BCL2: variants seen among roughly 807,000 people sequenced by gnomAD.
BCL2 encodes apoptosis regulator Bcl-2.
A neutral mutation model predicts 14.2 loss-of-function variants in BCL2; 1 was observed. The ratio of observed to expected loss-of-function variants is 0.07; its 90% CI spans 0.02 to 0.33. The LOEUF is 0.33. BCL2 is among the 10% of genes least tolerant of loss of function. BCL2 has a pLI of 0.99. For synonymous variants in BCL2, 151 were observed against 137.2 expected (o/e 1.10, Z -0.70); for missense variants, 247 against 305.9 (o/e 0.81, Z 1.44).
At chr18:63,192,322 G>A (rs1909310957) in intron 2 of BCL2, among the ~76,000 whole-genome samples, 1 of 152,192 alleles carries the variant, frequency 6.6e-6, no homozygotes, top group Non-Finnish European at 1.5e-5. Flanking sequence ...GATGTGTTTG[G>A]AGGATCAGGA....
At chr18:63,212,021 T>C (rs1373181037) in intron 2 of BCL2, among the ~76,000 whole-genome samples, 1 of 152,206 alleles carries the variant, frequency 6.6e-6, no homozygotes, top group Non-Finnish European at 1.5e-5. Context: ...CCCCTAACCA[T>C]GTGGCCCTAA....
chr18:63,176,489 G>A (rs1443780365), intron 2 of BCL2, among the ~76,000 whole-genome samples: 1 of 152,230 alleles, frequency 6.6e-6, no homozygotes. Context: ...GTGAGTGAAC[G>A]AGTGAAAGAA....
chr18:63,249,293 G>A (rs1009328219), intron 2 of BCL2, among the ~76,000 whole-genome samples: 1 of 151,744 alleles, frequency 6.6e-6, no homozygotes, highest in Non-Finnish European at 1.5e-5. Context: ...ATATAAGATT[G>A]TGATCAGTCC....
At position 63,318,867 on chromosome 18, in the gene BCL2, T is replaced by C; in HGVS notation, c.-201A>G. 7.1e-7 allele frequency: 1 copy of C among 1,414,888 alleles called. No homozygotes were observed. Among genetic ancestry groups the C allele is most frequent in the Non-Finnish European group, 9.2e-7 (1 of 1,082,838 alleles). 87.6% of individuals were successfully genotyped at this position (1,414,888 alleles called of 1,614,324 possible). On this transcript the variant is annotated 5_prime_UTR_variant, in exon 2 of 3. In the 5' UTR this introduces an upstream ATG that the reference lacks. Coordinates refer to ENST00000333681, the MANE Select transcript of BCL2 (RefSeq NM_000633.3). The surrounding 1 kb of genome is among the most constrained non-coding windows in gnomAD (Gnocchi z 7.4). ...CTTGGCATGAGATGCAGGAAATTTT[T>C]ATTCCAATTCCTTTCGGATCTTTAT...
intron 2 of BCL2, among the ~76,000 whole-genome samples, chr18:63,187,262 G>A (rs1229181461): frequency 6.6e-6 from 1 of 152,138 alleles, no homozygotes; most frequent in Non-Finnish European, 1.5e-5. Context: ...TTTATTTTAG[G>A]AATGTTTTTG....
intron 2 of BCL2, among the ~76,000 whole-genome samples, chr18:63,256,735 C>T (rs551552453): frequency 5.9e-5 from 9 of 152,218 alleles, no homozygotes; most frequent in East Asian, 1.9e-4. Context: ...CAAAATAGGG[C>T]GATCCAACTC....
intron 2 of BCL2, among the ~76,000 whole-genome samples, chr18:63,204,573 G>C (rs1909781791): frequency 6.6e-6 from 1 of 152,154 alleles, no homozygotes; most frequent in Non-Finnish European, 1.5e-5. Flanking sequence ...AAAAGCAGCA[G>C]TAAAAAACCC....
intron 2 of BCL2, among the ~76,000 whole-genome samples, chr18:63,280,174 T>C (rs937244299): frequency 3.3e-5 from 5 of 152,220 alleles, no homozygotes; most frequent in African/African-American, 1.2e-4. Flanking sequence ...AGAGTATCCA[T>C]GCCAAACTGC....
chr18:63,132,753 C>A (rs1046063634), intron 2 of BCL2, among the ~76,000 whole-genome samples: 1 of 152,100 alleles, frequency 6.6e-6, no homozygotes, highest in Admixed American at 6.5e-5. Flanking sequence ...GGGCGATTTC[C>A]GAAGTCTGTT....
At chr18:63,185,413 A>C (rs945069298) in intron 2 of BCL2, among the ~76,000 whole-genome samples, 18 of 152,220 alleles carry the variant, frequency 1.2e-4, no homozygotes, top group Non-Finnish European at 1.9e-4. Context: ...AGAGATGCTA[A>C]AAAAAGTGTC....
At chr18:63,214,397 C>G (rs1287035945) in intron 2 of BCL2, among the ~76,000 whole-genome samples, 1 of 152,184 alleles carries the variant, frequency 6.6e-6, no homozygotes, top group Non-Finnish European at 1.5e-5. Flanking sequence ...CCTGACACCA[C>G]GACATACACA....
chr18:63,247,937 C>T (rs936661454), intron 2 of BCL2, among the ~76,000 whole-genome samples: 2 of 152,202 alleles, frequency 1.3e-5, no homozygotes, highest in African/African-American at 4.8e-5. Context: ...AAAAAAATTC[C>T]CCCAAAAGAC....
At chr18:63,182,258 C>T (rs1044673090) in intron 2 of BCL2, among the ~76,000 whole-genome samples, 5 of 152,190 alleles carry the variant, frequency 3.3e-5, no homozygotes, top group Non-Finnish European at 7.3e-5. Flanking sequence ...GGAAGCTGTT[C>T]CCTATCCAGA....
chr18:63,242,156 A>G (rs1028944426), intron 2 of BCL2, among the ~76,000 whole-genome samples: 1 of 152,240 alleles, frequency 6.6e-6, no homozygotes, highest in Non-Finnish European at 1.5e-5. Flanking sequence ...CATTATGCCA[A>G]GCTTCTCCTC....
At chr18:63,315,473 C>T (rs1299477660) in intron 2 of BCL2, 1 of 152,168 alleles carries the variant, frequency 6.6e-6, no homozygotes, top group Non-Finnish European at 1.5e-5. Flanking sequence ...TTTCCTCAGC[C>T]TCACAAGGTT....
chr18:63,284,845 C>T (rs547125730), intron 2 of BCL2, among the ~76,000 whole-genome samples: 198 of 152,244 alleles, frequency 1.3e-3, no homozygotes, highest in African/African-American at 4.6e-3. Flanking sequence ...ATCCTCCTCC[C>T]GCTGGGCCCA....
At chr18:63,292,686 T>C (rs1028768787) in intron 2 of BCL2, among the ~76,000 whole-genome samples, 1 of 152,240 alleles carries the variant, frequency 6.6e-6, no homozygotes, top group Non-Finnish European at 1.5e-5. Flanking sequence ...TCTTCAGCCA[T>C]GACACATCGT....
intron 2 of BCL2, among the ~76,000 whole-genome samples, chr18:63,174,445 C>G (rs1357746297): frequency 6.6e-6 from 1 of 152,052 alleles, no homozygotes; most frequent in Non-Finnish European, 1.5e-5. Context: ...AATTTACAAC[C>G]TAGTCTAATG....
intron 2 of BCL2, among the ~76,000 whole-genome samples, chr18:63,195,015 T>C (rs987914141): frequency 1.3e-5 from 2 of 152,222 alleles, no homozygotes; most frequent in African/African-American, 4.8e-5. Context: ...CAGTGATATA[T>C]CATTTTAGAA....
Sources: allele counts gnomAD v4.1 joint callset (sites outside exome capture counted in the v4.1 genomes callset), GRCh38; gene constraint gnomAD v4.1.1; non-coding constraint Gnocchi (gnomAD v3.1); transcripts MANE v1.5; gene names NCBI Gene and HGNC (gene_info 2026-07-23, HGNC 2026-07-21).